Variants in DNAJB6 observed in about 807,000 individuals in gnomAD.
DNAJB6 encodes the protein dnaJ homolog subfamily B member 6.
In DNAJB6, 16 loss-of-function variants were observed where a neutral mutation model predicts 42.7. The ratio of observed to expected loss-of-function variants is 0.37; its 90% CI spans 0.25 to 0.57. DNAJB6 has a LOEUF of 0.57. DNAJB6 is among the 20% of genes least tolerant of loss of function. The pLI is 0.74. For missense variants in DNAJB6, 347 were observed against 416.8 expected (o/e 0.83, Z 1.46); for synonymous variants, 170 against 163.5 (o/e 1.04, Z -0.30).
chr7:157,355,601 G>T (rs867397277), intron 1 of DNAJB6, among the ~76,000 whole-genome samples: 2 of 152,196 alleles, frequency 1.3e-5, no homozygotes, highest in Non-Finnish European at 2.9e-5. Flanking sequence ...TTAAATAAGA[G>T]CCTCCAGTGG....
chr7:157,393,860 C>CT (rs5888715), intron 8 of DNAJB6, among the ~76,000 whole-genome samples: 67,116 of 151,750 alleles, frequency 0.44, 15,238 homozygotes, highest in African/African-American at 0.55. Flanking sequence ...TCTCAGAAAA[C>CT]TTTATTTCCT....
intron 5 of DNAJB6, chr7:157,370,725 T>C (rs1304152309): frequency 2.6e-5 from 4 of 152,644 alleles, no homozygotes; most frequent in Non-Finnish European, 5.9e-5. Context: ...TTTCCCATGA[T>C]TAGTGTGGCA....
chr7:157,409,848 G>GC lies in DNAJB6; in HGVS notation c.748dup (p.Leu250ProfsTer29). On this transcript the variant is annotated frameshift_variant, in exon 9 of 10. Coordinates refer to ENST00000262177, the MANE Select transcript of DNAJB6 (RefSeq NM_058246.4). LOFTEE classifies it high-confidence loss of function. ...GGAGCGCATGCGGAGAGGCCAGAAC[G>GC]CCCTGCCAGCCCAGCCTGCCGGCCT... The GC allele has an allele frequency of 6.5e-7, 1 of 1,533,534 alleles. No homozygotes were observed. Among genetic ancestry groups the GC allele is most frequent in the Non-Finnish European group, 8.7e-7 (1 of 1,145,706 alleles). The allele number at this position is 1,533,534 out of a possible 1,614,324, so 95.0% of individuals were successfully genotyped here. A position where few individuals can be genotyped will look rare whatever the true frequency, so the allele number is the denominator to read the frequency against.
In DNAJB6 at chr7:157,358,560, A is replaced by C; in HGVS notation, c.-13A>C. On this transcript the variant is annotated 5_prime_UTR_variant, in exon 2 of 10. Coordinates refer to ENST00000262177, the MANE Select transcript of DNAJB6 (RefSeq NM_058246.4). The stretch of plus-strand genomic sequence containing the variant: ...TTTTACTTGCAGGACCCATTCCAAC[A>C]ATCTCGTAAAACATGGTGGATTACT... 1.9e-6 allele frequency: 3 copies of C among 1,612,400 alleles called. No homozygotes were observed. The highest frequency in any genetic ancestry group is 2.5e-6 in the Non-Finnish European group (3 of 1,178,674).
intron 5 of DNAJB6, among the ~76,000 whole-genome samples, chr7:157,367,973 C>T (rs1228032956): frequency 6.6e-6 from 1 of 151,456 alleles, no homozygotes; most frequent in Non-Finnish European, 1.5e-5. Context: ...AAAAAAAATA[C>T]TAAAAATTAG....
intron 5 of DNAJB6, among the ~76,000 whole-genome samples, chr7:157,374,415 G>A (rs1478495334): frequency 6.6e-5 from 10 of 151,978 alleles, no homozygotes; most frequent in South Asian, 2.1e-4. Flanking sequence ...ATGTGCCACC[G>A]CGCCCGGCTA....
intron 8 of DNAJB6, among the ~76,000 whole-genome samples, chr7:157,390,016 A>G (rs1263171999): frequency 1.3e-5 from 2 of 152,240 alleles, no homozygotes; most frequent in African/African-American, 2.4e-5. Flanking sequence ...TGCAACCCCA[A>G]CAGGAATGCA....
intron 8 of DNAJB6, among the ~76,000 whole-genome samples, chr7:157,395,100 G>A (rs901269395): frequency 1.6e-5 from 2 of 127,480 alleles, no homozygotes; most frequent in South Asian, 2.6e-4. Flanking sequence ...TGCCCGCCGC[G>A]CCCCCCCACC....
chr7:157,383,709 C>T (rs1490398214), intron 6 of DNAJB6, among the ~76,000 whole-genome samples: 1 of 151,750 alleles, frequency 6.6e-6, no homozygotes, highest in Non-Finnish European at 1.5e-5. Context: ...AAATACTTAG[C>T]GAGGCTTAAT....
chr7:157,409,710 G>A (rs1795901013), intron 8 of DNAJB6, 85 bp from the exon 9 acceptor site: 2 of 1,388,570 alleles, frequency 1.4e-6, no homozygotes, highest in Non-Finnish European at 1.9e-6. Flanking sequence ...GGGAGATCGT[G>A]CGGCCAGCTT....
Position 157,371,523 on chromosome 7 carries a change from C to G in DNAJB6, c.346+4040C>G, listed in dbSNP as rs555362636. Among the ~76,000 whole-genome samples the G allele has an allele frequency of 2.4e-3, 372 of 152,324 alleles. 6 individuals are homozygous for G. The highest frequency in any genetic ancestry group is 0.022 in the Admixed American group (342 of 15,300). ...CCTGCGGTGTGGAACCCGTCCTTTA[C>G]AGAAGAAGCCCTCCCAGGAGAGGTC... is the stretch of plus-strand genomic sequence containing the variant. On this transcript the variant is annotated intron_variant, in intron 5 of 9. Coordinates refer to ENST00000262177, the MANE Select transcript of DNAJB6 (RefSeq NM_058246.4).
In DNAJB6 at chr7:157,358,312, A is replaced by G. The variant is rs529614417; in HGVS notation, c.-26-235A>G. Among the ~76,000 whole-genome samples, 5 of 152,248 alleles carry G rather than the reference A, an allele frequency of 3.3e-5. No homozygotes were observed. The South Asian group carries it at 6.2e-4, about 19-fold the overall frequency. ...GTTTAGTTTAGGCTATTATTAGGCT[A>G]TTTCAGAGCTTTTTTCCCCGTCTCT... On this transcript the variant is annotated intron_variant, in intron 1 of 9. Coordinates refer to ENST00000262177, the MANE Select transcript of DNAJB6 (RefSeq NM_058246.4).
chr7:157,362,365 CTT>C (rs1799644569), intron 2 of DNAJB6, among the ~76,000 whole-genome samples: 1 of 152,082 alleles, frequency 6.6e-6, no homozygotes. Flanking sequence ...TGACCCAGGC[CTT>C]TTTTTCCCTT....
chr7:157,346,369 A>G (rs1004198986), intron 1 of DNAJB6, among the ~76,000 whole-genome samples: 13 of 147,624 alleles, frequency 8.8e-5, no homozygotes, highest in Admixed American at 8.2e-4. Flanking sequence ...CTCTGTGACT[A>G]GGGAAATCGT....
intron 1 of DNAJB6, among the ~76,000 whole-genome samples, chr7:157,354,735 G>T (rs1799185168): frequency 6.6e-6 from 1 of 152,192 alleles, no homozygotes; most frequent in African/African-American, 2.4e-5. Flanking sequence ...TGATGCTGGT[G>T]AAGATAAAGA....
intron 8 of DNAJB6, among the ~76,000 whole-genome samples, chr7:157,395,285 A>G (rs1050262351): frequency 6.6e-6 from 1 of 152,240 alleles, no homozygotes; most frequent in Non-Finnish European, 1.5e-5. Flanking sequence ...AGCAATAGCA[A>G]CTGAATGAAA....
At chr7:157,382,078 G>T (rs539460376) in intron 5 of DNAJB6, 168 bp from the exon 6 acceptor site, 8 of 561,402 alleles carry the variant, frequency 1.4e-5, no homozygotes, top group African/African-American at 1.2e-4. Context: ...AAAACTGTTG[G>T]TGAGGTAGTG....
At position 157,416,554 on chromosome 7, in the gene DNAJB6, G is replaced by A. The variant is rs968320956; in HGVS notation, c.*456G>A. ...GAGTGTAACTTAGAGAATATTGCAA[G>A]TGACACATTGAATCCTGCCCGTCAG... is the stretch of plus-strand genomic sequence containing the variant. On this transcript the variant is annotated 3_prime_UTR_variant, in exon 10 of 10. Transcript: ENST00000262177. 2 of 157,084 alleles carry A rather than the reference G, an allele frequency of 1.3e-5. No homozygotes were observed. Among genetic ancestry groups the A allele is most frequent in the African/African-American group, 4.8e-5 (2 of 41,634 alleles). 9.7% of individuals were successfully genotyped at this position (157,084 alleles called of 1,614,324 possible).
At chr7:157,378,989 T>C (rs912607906) in intron 5 of DNAJB6, 2 of 152,208 alleles carry the variant, frequency 1.3e-5, no homozygotes, top group African/African-American at 4.8e-5. Context: ...TTTGAAATTA[T>C]ACGAGTTAAA....
Sources: gnomAD v4.1 joint callset for allele counts (sites outside exome capture counted in the v4.1 genomes callset) on GRCh38, gnomAD v4.1.1 for gene constraint, MANE v1.5 for transcripts, NCBI Gene and HGNC (gene_info 2026-07-23, HGNC 2026-07-21) for gene names.